The following MYT1L variants were observed in gnomAD, a reference collection of about 807,000 sequenced individuals.
MYT1L encodes the protein myelin transcription factor 1-like protein.
A neutral mutation model predicts 126.7 loss-of-function variants in MYT1L; 12 were observed. That is an observed-to-expected ratio of 0.09 (90% CI 0.06 to 0.15). The LOEUF (loss-of-function observed/expected upper bound fraction) is 0.15, where lower values mean the gene tolerates loss of function less well. MYT1L is among the 10% of genes least tolerant of loss of function. The pLI is 1.00. For synonymous variants in MYT1L, 541 were observed against 604.2 expected (o/e 0.90, Z 1.53); for missense variants, 979 against 1,585.2 (o/e 0.62, Z 6.49).
At chr2:2,220,785 T>C (rs1283219092) in intron 2 of MYT1L, among the ~76,000 whole-genome samples, 2 of 152,144 alleles carry the variant, frequency 1.3e-5, no homozygotes, top group Non-Finnish European at 2.9e-5. Flanking sequence ...AAAATCCATC[T>C]GATGAGAATT....
intron 4 of MYT1L, among the ~76,000 whole-genome samples, chr2:2,030,922 T>A (rs2066168333): frequency 6.6e-6 from 1 of 152,340 alleles, no homozygotes; most frequent in East Asian, 1.9e-4. Context: ...CGGGTTTTAA[T>A]AAAGTCCGTA....
chr2:2,215,010 T>G (rs1426710140), intron 2 of MYT1L, among the ~76,000 whole-genome samples: 3 of 152,092 alleles, frequency 2.0e-5, no homozygotes, highest in Admixed American at 6.6e-5. Flanking sequence ...AACTTAATGG[T>G]AAAAAATTAA....
At position 2,294,328 on chromosome 2, in the gene MYT1L, C is replaced by G. The variant is rs1031272016; in HGVS notation, c.-520-9825G>C. ...TGCCAGGCCCCAAGCACAACAAAAG[C>G]CTGGCTGTCCTTGTTGCATATCTTA... On this transcript the variant is annotated intron_variant, in intron 1 of 24. Transcript: ENST00000647738. Among the ~76,000 whole-genome samples, 3 of 152,136 alleles carry G rather than the reference C, an allele frequency of 2.0e-5. No individual in the cohort carries two copies. The East Asian group carries it at 5.8e-4, about 29-fold the overall frequency.
chr2:2,169,158 G>A (rs1241417201), intron 3 of MYT1L, among the ~76,000 whole-genome samples: 1 of 152,192 alleles, frequency 6.6e-6, no homozygotes, highest in Non-Finnish European at 1.5e-5. Context: ...GTAGAATTAG[G>A]ATTTGTTCTC....
chr2:1,937,301 C>T (rs1325410511), intron 9 of MYT1L, among the ~76,000 whole-genome samples: 4 of 152,236 alleles, frequency 2.6e-5, no homozygotes, highest in Non-Finnish European at 4.4e-5. Context: ...TCCTAACGTC[C>T]GCGGCCATCA....
intron 3 of MYT1L, among the ~76,000 whole-genome samples, chr2:2,145,639 C>CAAGACACACACACACACACACACACACA (rs1553511681): frequency 1.4e-5 from 2 of 143,102 alleles, no homozygotes; most frequent in East Asian, 4.2e-4. Flanking sequence ...TACACACACA[C>CAAGACACACACACACACACACACACACA]AAGACACACA....
In MYT1L at chr2:1,852,498, G is replaced by T. The variant is rs953387641; in HGVS notation, c.2712-795C>A. Among the ~76,000 whole-genome samples, 1 of 152,028 alleles carries T rather than the reference G, an allele frequency of 6.6e-6. No individual in the cohort carries two copies. The highest frequency in any genetic ancestry group is 2.4e-5 in the African/African-American group (1 of 41,378). ...AATCAGAGACTTTTTTTAAGAAAAAGAGCTTTATAATTATATTGCCCTCCA... is the reference window on the plus strand; with the variant it reads ...AATCAGAGACTTTTTTTAAGAAAAATAGCTTTATAATTATATTGCCCTCCA... On this transcript the variant is annotated intron_variant, in intron 18 of 24. Coordinates refer to ENST00000647738, the MANE Select transcript of MYT1L (RefSeq NM_001303052.2). The surrounding 1 kb of genome is among the most constrained non-coding windows in gnomAD (Gnocchi z 4.0).
chr2:1,850,204 CTT>C (rs2043068634), intron 19 of MYT1L, among the ~76,000 whole-genome samples: 1 of 36,006 alleles, frequency 2.8e-5, no homozygotes, highest in African/African-American at 1.7e-4. Flanking sequence ...TCCTTCCTTC[CTT>C]CCTTCCTTCC....
At chr2:1,800,694 T>C (rs2034685132) in intron 23 of MYT1L, among the ~76,000 whole-genome samples, 1 of 152,110 alleles carries the variant, frequency 6.6e-6, no homozygotes, top group Admixed American at 6.5e-5. Flanking sequence ...AACCTCTGCA[T>C]TTACAGAGCG....
At position 2,115,736 on chromosome 2, in the gene MYT1L, C is replaced by T. The variant is rs529783569; in HGVS notation, c.-304+57136G>A. On this transcript the variant is annotated intron_variant, in intron 3 of 24. Coordinates refer to ENST00000647738, the MANE Select transcript of MYT1L (RefSeq NM_001303052.2). The stretch of plus-strand genomic sequence containing the variant: ...GAGGGCGCTGCCAAGGCAAGGCCCC[C>T]GCGGGAGTGTCGGGGTGGGGACAGC... Among the ~76,000 whole-genome samples, 43 of 152,306 alleles carry T rather than the reference C, an allele frequency of 2.8e-4. No individual in the cohort carries two copies. The South Asian group carries it at 8.1e-3, about 29-fold the overall frequency.
At chr2:1,909,281 G>GT (rs981870612) in intron 13 of MYT1L, among the ~76,000 whole-genome samples, 25 of 152,100 alleles carry the variant, frequency 1.6e-4, no homozygotes, top group African/African-American at 6.0e-4. Context: ...GCAAAGTGCT[G>GT]TATATATGAA....
chr2:2,007,878 C>T (rs1009047822), intron 4 of MYT1L, among the ~76,000 whole-genome samples: 2 of 152,174 alleles, frequency 1.3e-5, no homozygotes, highest in Non-Finnish European at 2.9e-5. Flanking sequence ...GGCCTTCCCC[C>T]AAACCCAACT....
intron 1 of MYT1L, among the ~76,000 whole-genome samples, chr2:2,313,872 A>T (rs1473286795): frequency 6.6e-6 from 1 of 152,192 alleles, no homozygotes; most frequent in African/African-American, 2.4e-5. Context: ...GTTTATAAAT[A>T]ACGCTGGGGC....
intron 3 of MYT1L, among the ~76,000 whole-genome samples, chr2:2,156,962 C>T (rs991529486): frequency 7.2e-5 from 11 of 152,172 alleles, no homozygotes; most frequent in Non-Finnish European, 1.5e-4. Flanking sequence ...CCATTTGTTT[C>T]CATCCGTTTG....
intron 18 of MYT1L, among the ~76,000 whole-genome samples, chr2:1,867,232 T>A (rs1203649355): frequency 6.6e-6 from 1 of 151,994 alleles, no homozygotes; most frequent in East Asian, 1.9e-4. Context: ...CAGGGAGACC[T>A]TGGGCGAAGG....
intron 2 of MYT1L, among the ~76,000 whole-genome samples, chr2:2,201,868 T>C (rs1317204641): frequency 6.6e-6 from 1 of 152,202 alleles, no homozygotes; most frequent in African/African-American, 2.4e-5. Context: ...CGACACTTAA[T>C]CATTACTTGA....
intron 4 of MYT1L, among the ~76,000 whole-genome samples, chr2:2,020,085 T>A (rs541323807): frequency 6.6e-6 from 1 of 152,286 alleles, no homozygotes; most frequent in Non-Finnish European, 1.5e-5. Flanking sequence ...GCTCTAGCAA[T>A]CTGCCCAGCT....
Position 1,979,924 on chromosome 2 carries a change from GTAAGACC to G in MYT1L, c.1-154_1-148del. On this transcript the variant is annotated intron_variant, in intron 5 of 24. Coordinates refer to ENST00000647738, the MANE Select transcript of MYT1L (RefSeq NM_001303052.2). The surrounding 1 kb of genome is among the most constrained non-coding windows in gnomAD (Gnocchi z 4.0). ...GGGAAGCCCTCTACAAGGGCAGGGGGTAAGACCAGGCAATCTAAATGTATTACTCAAA... is the reference window on the plus strand; with the variant it reads ...GGGAAGCCCTCTACAAGGGCAGGGGGAGGCAATCTAAATGTATTACTCAAA... 1.4e-6 allele frequency: 1 copy of G among 727,512 alleles called. No individual in the cohort carries two copies. Among genetic ancestry groups the G allele is most frequent in the Non-Finnish European group, 2.4e-6 (1 of 424,348 alleles). The allele number at this position is 727,512 out of a possible 1,614,324, so 45.1% of individuals were successfully genotyped here. A position where few individuals can be genotyped will look rare whatever the true frequency, so the allele number is the denominator to read the frequency against.
intron 8 of MYT1L, among the ~76,000 whole-genome samples, chr2:1,970,306 T>C (rs1277379467): frequency 6.6e-6 from 1 of 152,182 alleles, no homozygotes; most frequent in Non-Finnish European, 1.5e-5. Flanking sequence ...GCGATGCTCA[T>C]GAACCTGGCT....
Sources: gnomAD v4.1 joint callset for allele counts (sites outside exome capture counted in the v4.1 genomes callset) on GRCh38, gnomAD v4.1.1 for gene constraint, Gnocchi (gnomAD v3.1) non-coding constraint, MANE v1.5 for transcripts, NCBI Gene and HGNC (gene_info 2026-07-23, HGNC 2026-07-21) for gene names.